R3HDML: variants seen among roughly 807,000 people sequenced by gnomAD.
R3HDML encodes R3H domain containing like.
Under a neutral mutation model 24.2 loss-of-function variants are expected in R3HDML, and 21 were observed. The observed-to-expected ratio is 0.87, with a 90% CI of 0.62 to 1.25. R3HDML has a LOEUF of 1.25. Among genes scored for constraint, R3HDML ranks in the 50% most tolerant of loss-of-function variants. R3HDML has a pLI of 0.00. For synonymous variants in R3HDML, 133 were observed against 131.5 expected, an observed-to-expected ratio of 1.01 and a Z score of -0.08; for missense variants, 301 against 340.3, an observed-to-expected ratio of 0.88 and a Z score of 0.91.
chr20:44,339,801 C>G (rs562982805), intron 1 of R3HDML, among the ~76,000 whole-genome samples: 1 of 151,976 alleles, frequency 6.6e-6, no homozygotes, highest in Non-Finnish European at 1.5e-5. Context: ...GTTGTTGACA[C>G]GGAATCTCCC....
chr20:44,343,255 A>G, intron 2 of R3HDML, 122 bp from the exon 3 acceptor site: 2 of 1,258,784 alleles, frequency 1.6e-6, no homozygotes, highest in Admixed American at 4.2e-5. Context: ...TCATGCTCAC[A>G]GATAGGAAAC....
chr20:44,347,219 T>TTC (rs1357887081), intron 4 of R3HDML, among the ~76,000 whole-genome samples: 1 of 137,650 alleles, frequency 7.3e-6, no homozygotes, highest in African/African-American at 2.5e-5. Context: ...TTTTTCTTTT[T>TTC]TCTTTTTTTT....
intron 1 of R3HDML, among the ~76,000 whole-genome samples, chr20:44,340,271 A>G (rs1331722278): frequency 6.6e-6 from 1 of 151,514 alleles, no homozygotes; most frequent in Non-Finnish European, 1.5e-5. Flanking sequence ...TTGTATTTTT[A>G]GTAGAGAGGG....
At chr20:44,341,531 G>A (rs1296355443) in intron 2 of R3HDML, among the ~76,000 whole-genome samples, 1 of 152,212 alleles carries the variant, frequency 6.6e-6, no homozygotes, top group Non-Finnish European at 1.5e-5. Flanking sequence ...TGTTTGGTTT[G>A]AGAACAAACA....
Position 44,347,354 on chromosome 20 carries a change from G to A in R3HDML, c.629+1976G>A, listed in dbSNP as rs534646801. Among the ~76,000 whole-genome samples, 6 of 152,002 alleles carry A rather than the reference G, an allele frequency of 3.9e-5. No homozygotes were observed. The East Asian group carries it at 9.7e-4, about 25-fold the overall frequency. On this transcript the variant is annotated intron_variant, in intron 4 of 4. Transcript: ENST00000217043. The stretch of plus-strand genomic sequence containing the variant: ...CCGCCTCACCCTCCTGAGTAGCTGG[G>A]AGTACAGGCATGCACCATTACACCT...
intron 4 of R3HDML, among the ~76,000 whole-genome samples, chr20:44,347,261 C>T (rs563654683): frequency 1.3e-5 from 2 of 151,736 alleles, no homozygotes; most frequent in South Asian, 4.2e-4. Flanking sequence ...CTCTGTCGCC[C>T]AGGCTGGAGT....
chr20:44,341,170 G>A (rs2062771161), intron 1 of R3HDML, 26 bp from the exon 2 acceptor site: 1 of 1,582,276 alleles, frequency 6.3e-7, no homozygotes, highest in Non-Finnish European at 8.7e-7. Context: ...TTCCCCTGGG[G>A]AATTTCATTG....
chr20:44,337,470 G>A lies in R3HDML; in HGVS notation c.261+52G>A, dbSNP rs1011352933. On this transcript the variant is annotated intron_variant, in intron 1 of 4. Transcript: ENST00000217043. This position sits in a 1 kb window ranked among gnomAD's most constrained non-coding sequence, Gnocchi z 4.7. ...CCCCGCAGTGTCCCTTCCGGCAAAC[G>A]CAGCCGGACTCATCTTGGCCTAGAA... 8 of 1,560,332 alleles carry A rather than the reference G, an allele frequency of 5.1e-6. No homozygotes were observed. The highest frequency in any genetic ancestry group is 1.7e-4 in the Middle Eastern group (1 of 5,916).
chr20:44,343,226 T>C (rs1468295010), intron 2 of R3HDML, 151 bp from the exon 3 acceptor site: 3 of 908,262 alleles, frequency 3.3e-6, no homozygotes, highest in Non-Finnish European at 5.0e-6. Flanking sequence ...AACATGCCTG[T>C]GAGGCAGGGC....
At chr20:44,345,021 G>C in intron 3 of R3HDML, 1 of 531,994 alleles carries the variant, frequency 1.9e-6, no homozygotes. Flanking sequence ...GTGTGTATGT[G>C]TGTGTCTGTT....
In R3HDML at chr20:44,337,193, C is replaced by T; in HGVS notation, c.36C>T (p.Gly12=). 6.2e-7 allele frequency: 1 copy of T among 1,613,588 alleles called. No homozygotes were observed. Among genetic ancestry groups the T allele is most frequent in the Non-Finnish European group, 8.5e-7 (1 of 1,179,968 alleles). The change falls in exon 1 of 5, where the codon GGC becomes GGT. Residue 12 remains glycine (G), a synonymous_variant. Transcript: ENST00000217043. This position sits in a 1 kb window ranked among gnomAD's most constrained non-coding sequence, Gnocchi z 4.7. The stretch of plus-strand genomic sequence containing the variant: ...TGCCCAGCACCGTGGGCCTGGCAGG[C>T]CTGCTCTTCTGGGCTGGCCAGGCAG... ...PLLPSTVGLA[G]LLFWAGQAVN... is the part of the protein sequence containing the mutation.
At chr20:44,343,021 A>G (rs1350583900) in intron 2 of R3HDML, among the ~76,000 whole-genome samples, 1 of 152,170 alleles carries the variant, frequency 6.6e-6, no homozygotes, top group African/African-American at 2.4e-5. Context: ...TCTCTGGGTG[A>G]CACACCAGTA....
chr20:44,338,794 G>A (rs947655105), intron 1 of R3HDML, among the ~76,000 whole-genome samples: 8 of 152,110 alleles, frequency 5.3e-5, no homozygotes, highest in East Asian at 1.9e-4. Flanking sequence ...CCAGAGAGCC[G>A]GGCGCAGTGG....
rs375142726 is a variant in R3HDML, at chr20:44,343,474, C to T, written c.478C>T (p.Arg160Cys). ...GGACTGTAACCCACACTGCCCCTGGCGCTGCGATGGCCCCACCTGCTCCCA... is the reference window on the plus strand; with the variant it reads ...GGACTGTAACCCACACTGCCCCTGGTGCTGCGATGGCCCCACCTGCTCCCA... ...PRDCNPHCPW[R>C]CDGPTCSHYT... Residue 160 changes from arginine (R) to cysteine (C), a missense_variant, in exon 3 of 5, where the codon CGC becomes TGC. By Grantham distance (180) the Arg-to-Cys change is radical. Coordinates refer to ENST00000217043, the MANE Select transcript of R3HDML (RefSeq NM_178491.4). 81 of 1,612,378 alleles carry T rather than the reference C, an allele frequency of 5.0e-5. No homozygotes were observed. The highest frequency in any genetic ancestry group is 4.6e-4 in the South Asian group (42 of 90,726).
intron 4 of R3HDML, among the ~76,000 whole-genome samples, chr20:44,345,653 A>C (rs1001375076): frequency 3.9e-5 from 6 of 151,930 alleles, no homozygotes; most frequent in Admixed American, 1.3e-4. Context: ...AAAAAAAATT[A>C]GCTGAGTGTC....
chr20:44,339,579 A>G (rs373809906), intron 1 of R3HDML, among the ~76,000 whole-genome samples: 2,438 of 148,006 alleles, frequency 0.016, 65 homozygotes, highest in African/African-American at 0.056. Context: ...GCCTATATAT[A>G]TGTGTGTGTG....
chr20:44,346,724 G>A (rs534564036), intron 4 of R3HDML, among the ~76,000 whole-genome samples: 37 of 152,340 alleles, frequency 2.4e-4, no homozygotes, highest in African/African-American at 8.4e-4. Context: ...AAGGAAGGAG[G>A]AATGAGTGTG....
At chr20:44,341,606 C>T (rs369678523) in intron 2 of R3HDML, among the ~76,000 whole-genome samples, 14 of 152,228 alleles carry the variant, frequency 9.2e-5, no homozygotes, top group African/African-American at 1.9e-4. Flanking sequence ...ATAAGGGGGC[C>T]GGGCACGGTG....
At chr20:44,346,297 A>G (rs1425272488) in intron 4 of R3HDML, among the ~76,000 whole-genome samples, 1 of 151,840 alleles carries the variant, frequency 6.6e-6, no homozygotes, top group Non-Finnish European at 1.5e-5. Context: ...AATTTTTTGT[A>G]GAGACGGTGT....
Sources: gnomAD v4.1 joint callset for allele counts (sites outside exome capture counted in the v4.1 genomes callset) on GRCh38, gnomAD v4.1.1 for gene constraint, Gnocchi (gnomAD v3.1) non-coding constraint, MANE v1.5 for transcripts, NCBI Gene and HGNC (gene_info 2026-07-23, HGNC 2026-07-21) for gene names.